Variants in SIM1 observed in about 807,000 individuals in gnomAD.
The protein encoded by SIM1 is single-minded homolog 1.
In SIM1, 18 loss-of-function variants were observed where a neutral mutation model predicts 78.2. The ratio of observed to expected loss-of-function variants is 0.23; its 90% CI spans 0.16 to 0.34. SIM1 has a LOEUF of 0.34. SIM1 is among the 10% of genes least tolerant of loss of function. The pLI, the probability that SIM1 is intolerant of heterozygous loss-of-function variation, is 1.00. For synonymous variants in SIM1, 417 were observed against 385.2 expected (o/e 1.08, Z -0.97); for missense variants, 939 against 975.1 (o/e 0.96, Z 0.49).
At chr6:100,417,929 C>T (rs988220638) in intron 10 of SIM1, among the ~76,000 whole-genome samples, 11 of 152,284 alleles carry the variant, frequency 7.2e-5, no homozygotes, top group African/African-American at 1.9e-4. Context: ...TCAAATGAGA[C>T]GTATGGTTGA....
intron 10 of SIM1, among the ~76,000 whole-genome samples, chr6:100,407,472 G>A (rs536163158): frequency 6.6e-5 from 10 of 152,162 alleles, no homozygotes; most frequent in Admixed American, 2.6e-4. Flanking sequence ...TATATAAGAA[G>A]TGAAGTTGCT....
At chr6:100,405,342 T>C (rs1771027086) in intron 10 of SIM1, among the ~76,000 whole-genome samples, 1 of 152,074 alleles carries the variant, frequency 6.6e-6, no homozygotes, top group Non-Finnish European at 1.5e-5. Context: ...GCAGTAAATA[T>C]ACTCATTTAT....
At position 100,387,096 on chromosome 6, in the gene SIM1, T is replaced by C. The variant is rs1332648128; in HGVS notation, c.*3265A>G. 6.6e-6 allele frequency: 1 copy of C among 152,098 alleles called. No homozygotes were observed. The highest frequency in any genetic ancestry group is 1.5e-5 in the Non-Finnish European group (1 of 67,952). 9.4% of individuals were successfully genotyped at this position (152,098 alleles called of 1,614,324 possible). On this transcript the variant is annotated 3_prime_UTR_variant, in exon 12 of 12. Transcript: ENST00000369208. ...CAGGTGAAATGGGCAATAAAGATAC[T>C]TATTATCACTAGAAACCAGAATTCT...
At chr6:100,402,355 T>C (rs1770935515) in intron 10 of SIM1, among the ~76,000 whole-genome samples, 2 of 152,072 alleles carry the variant, frequency 1.3e-5, no homozygotes, top group South Asian at 4.2e-4. Flanking sequence ...GTCATCTAAA[T>C]AGTAGGGCCT....
At chr6:100,428,724 G>A (rs942483549) in intron 9 of SIM1, among the ~76,000 whole-genome samples, 2 of 151,910 alleles carry the variant, frequency 1.3e-5, no homozygotes, top group Non-Finnish European at 2.9e-5. Flanking sequence ...ATCATGGATA[G>A]TGCCAAACCC....
At chr6:100,423,451 G>A (rs563552212) in intron 9 of SIM1, among the ~76,000 whole-genome samples, 1 of 152,298 alleles carries the variant, frequency 6.6e-6, no homozygotes, top group South Asian at 2.1e-4. Context: ...CCCTCATGAA[G>A]AAGGTACCAG....
chr6:100,425,942 A>C (rs1317681741), intron 9 of SIM1, among the ~76,000 whole-genome samples: 2 of 152,212 alleles, frequency 1.3e-5, no homozygotes, highest in Non-Finnish European at 2.9e-5. Flanking sequence ...GAAGGACAGC[A>C]CTGCTCTCCT....
At chr6:100,435,856 C>T (rs972130433) in intron 9 of SIM1, among the ~76,000 whole-genome samples, 2 of 152,092 alleles carry the variant, frequency 1.3e-5, no homozygotes, top group Non-Finnish European at 1.5e-5. Flanking sequence ...CAAAAATCAA[C>T]ACAACTGCTC....
intron 6 of SIM1, 136 bp from the exon 7 acceptor site, chr6:100,448,814 C>T (rs1772433439): frequency 1.7e-5 from 12 of 720,928 alleles, no homozygotes; most frequent in Non-Finnish European, 2.7e-5. Context: ...CTAAGGAATC[C>T]AAAGTTACTG....
chr6:100,419,716 A>C (rs538087102), intron 10 of SIM1, among the ~76,000 whole-genome samples: 18 of 152,262 alleles, frequency 1.2e-4, no homozygotes, highest in Admixed American at 2.0e-4. Context: ...ATCTTGGCTC[A>C]CTGCAACCTC....
At chr6:100,405,118 A>T (rs969700994) in intron 10 of SIM1, among the ~76,000 whole-genome samples, 1 of 152,048 alleles carries the variant, frequency 6.6e-6, no homozygotes, top group African/African-American at 2.4e-5. Context: ...ACTAAGTATA[A>T]TATGATTTCT....
chr6:100,414,992 C>T (rs1771361578), intron 10 of SIM1, among the ~76,000 whole-genome samples: 1 of 152,212 alleles, frequency 6.6e-6, no homozygotes, highest in South Asian at 2.1e-4. Flanking sequence ...TGATTAAATA[C>T]TTTCAGATTT....
intron 2 of SIM1, among the ~76,000 whole-genome samples, chr6:100,458,359 GC>G (rs1233608389): frequency 6.6e-6 from 1 of 152,194 alleles, no homozygotes; most frequent in African/African-American, 2.4e-5. Context: ...GCGAGGCCGA[GC>G]CCGAACGCGC....
At chr6:100,399,475 G>C (rs1268655734) in intron 10 of SIM1, among the ~76,000 whole-genome samples, 2 of 152,024 alleles carry the variant, frequency 1.3e-5, no homozygotes. Flanking sequence ...GTCATAAAAA[G>C]GCAACATGAG....
At chr6:100,463,226 C>T (rs1414915891) in intron 2 of SIM1, 68 bp downstream of exon 2, 3 of 1,390,956 alleles carry the variant, frequency 2.2e-6, no homozygotes, top group Non-Finnish European at 3.0e-6. Context: ...TCACTGATGT[C>T]GGCTCATTGC....
intron 10 of SIM1, among the ~76,000 whole-genome samples, chr6:100,414,208 T>C (rs1026718595): frequency 6.6e-6 from 1 of 152,232 alleles, no homozygotes; most frequent in Non-Finnish European, 1.5e-5. Flanking sequence ...GTCTGCCCCT[T>C]GCCTTAGTCA....
At position 100,463,298 on chromosome 6, in the gene SIM1, T is replaced by C; in HGVS notation, c.171A>G (p.Pro57=). 1 of 1,607,824 alleles carries C rather than the reference T, an allele frequency of 6.2e-7. No homozygotes were observed. Among genetic ancestry groups the C allele is most frequent in the Non-Finnish European group, 8.5e-7 (1 of 1,174,822 alleles). The stretch of plus-strand genomic sequence containing the variant: ...CATCTGGGCAAAGTCACTTACCTTC[T>C]GGGAACACCACTCTCATTTTGAGAT... ...TSYLKMRVVF[P]EGLGEAWGHS... is the part of the protein sequence containing the mutation. The change falls in exon 2 of 12, where the codon CCA becomes CCG. Residue 57 remains proline, a synonymous_variant. Transcript: ENST00000369208.
At chr6:100,398,405 C>T (rs2114470730) in intron 10 of SIM1, among the ~76,000 whole-genome samples, 1 of 152,232 alleles carries the variant, frequency 6.6e-6, no homozygotes, top group East Asian at 1.9e-4. Flanking sequence ...AAACTGAACT[C>T]TGTACCCATT....
chr6:100,438,663 C>A (rs775887077), intron 9 of SIM1, among the ~76,000 whole-genome samples: 1 of 152,198 alleles, frequency 6.6e-6, no homozygotes, highest in Non-Finnish European at 1.5e-5. Context: ...CATGCACATG[C>A]ATGTTTATAG....
Sources: allele counts gnomAD v4.1 joint callset (sites outside exome capture counted in the v4.1 genomes callset), GRCh38; gene constraint gnomAD v4.1.1; transcripts MANE v1.5; gene names NCBI Gene and HGNC (gene_info 2026-07-23, HGNC 2026-07-21).